FAF1: variants seen among roughly 807,000 people sequenced by gnomAD.
FAF1 encodes FAS-associated factor 1.
In FAF1, 25 loss-of-function variants were observed where a neutral mutation model predicts 92.5. The observed-to-expected ratio is 0.27, with a 90% CI of 0.20 to 0.38. The LOEUF (loss-of-function observed/expected upper bound fraction) is 0.38, where lower values mean the gene tolerates loss of function less well. Among genes scored for constraint, FAF1 ranks in the 10% least tolerant of loss-of-function variants. FAF1 has a pLI of 1.00. For missense variants in FAF1, 636 were observed against 793.3 expected (o/e 0.80, Z 2.38); for synonymous variants, 234 against 273.2 (o/e 0.86, Z 1.42).
At chr1:50,919,257 T>C (rs986444729) in intron 1 of FAF1, among the ~76,000 whole-genome samples, 1 of 152,012 alleles carries the variant, frequency 6.6e-6, no homozygotes, top group African/African-American at 2.4e-5. Context: ...CAGATCTGCA[T>C]ATAAAAAACA....
intron 15 of FAF1, among the ~76,000 whole-genome samples, chr1:50,504,622 C>G (rs569528236): frequency 6.6e-6 from 1 of 152,088 alleles, no homozygotes; most frequent in East Asian, 1.9e-4. Context: ...AGACAAGTAC[C>G]CAACATCAAT....
chr1:50,686,530 G>A (rs929226381), intron 7 of FAF1, among the ~76,000 whole-genome samples: 8 of 137,094 alleles, frequency 5.8e-5, no homozygotes, highest in Admixed American at 4.8e-4. Flanking sequence ...CAACAAGAGC[G>A]AAACTCTATC....
chr1:50,650,917 C>G (rs1654834608), intron 8 of FAF1, among the ~76,000 whole-genome samples: 1 of 152,150 alleles, frequency 6.6e-6, no homozygotes, highest in Non-Finnish European at 1.5e-5. Flanking sequence ...TTTCCCTGAT[C>G]AAAGAGTACA....
chr1:50,601,706 T>TAC (rs56815834), intron 8 of FAF1, among the ~76,000 whole-genome samples: 16 of 146,446 alleles, frequency 1.1e-4, no homozygotes, highest in South Asian at 4.2e-4. Context: ...TATATATATA[T>TAC]ACACACACAC....
intron 7 of FAF1, among the ~76,000 whole-genome samples, chr1:50,669,366 T>A (rs1655768892): frequency 6.6e-6 from 1 of 152,208 alleles, no homozygotes; most frequent in African/African-American, 2.4e-5. Flanking sequence ...AGTTTTTCAC[T>A]GTACATGGTA....
intron 8 of FAF1, among the ~76,000 whole-genome samples, chr1:50,624,819 A>G (rs1446877832): frequency 6.6e-6 from 1 of 152,000 alleles, no homozygotes; most frequent in African/African-American, 2.4e-5. Context: ...CAATAAAAAC[A>G]TGTGATTGTT....
At chr1:50,949,189 G>A (rs955777670) in intron 1 of FAF1, among the ~76,000 whole-genome samples, 2 of 152,206 alleles carry the variant, frequency 1.3e-5, no homozygotes, top group Non-Finnish European at 2.9e-5. Flanking sequence ...ATGCAAATTT[G>A]CAGACCCTAC....
At chr1:50,485,222 AG>A (rs1300696476) in intron 17 of FAF1, among the ~76,000 whole-genome samples, 1 of 151,998 alleles carries the variant, frequency 6.6e-6, no homozygotes, top group Non-Finnish European at 1.5e-5. Flanking sequence ...CGGCCTCCCA[AG>A]TAGCTGGGAT....
rs572447962 is a variant in FAF1, at chr1:50,673,012, C to A, written c.658-17484G>T. On this transcript the variant is annotated intron_variant, in intron 7 of 18. Coordinates refer to ENST00000396153, the MANE Select transcript of FAF1 (RefSeq NM_007051.3). ...GTGGCTTATGCCTATAATCCCAGCACATTGGGAGGCTGAAGCAGGTGGATT... is the reference window on the plus strand; with the variant it reads ...GTGGCTTATGCCTATAATCCCAGCAAATTGGGAGGCTGAAGCAGGTGGATT... Among the ~76,000 whole-genome samples the A allele has an allele frequency of 2.6e-5, 4 of 152,166 alleles. No homozygotes were observed. In the East Asian group the frequency reaches 7.7e-4, roughly 29 times the overall value.
At chr1:50,869,886 G>A (rs1258105899) in intron 1 of FAF1, among the ~76,000 whole-genome samples, 1 of 152,064 alleles carries the variant, frequency 6.6e-6, no homozygotes, top group Non-Finnish European at 1.5e-5. Flanking sequence ...TTAGTTCTAT[G>A]ATTTTGGCAT....
chr1:50,578,255 T>C (rs1418591025), intron 12 of FAF1, among the ~76,000 whole-genome samples: 1 of 152,178 alleles, frequency 6.6e-6, no homozygotes, highest in Non-Finnish European at 1.5e-5. Context: ...GTAAAATTAA[T>C]GTACCTCCCC....
chr1:50,452,232 G>A (rs369788654), intron 18 of FAF1: 114 of 1,126,334 alleles, frequency 1.0e-4, no homozygotes, highest in Non-Finnish European at 1.3e-4. Context: ...AGAAAGTCCC[G>A]CTTTACAGAA....
intron 4 of FAF1, among the ~76,000 whole-genome samples, chr1:50,758,332 G>A (rs997451593): frequency 6.6e-6 from 1 of 152,142 alleles, no homozygotes; most frequent in African/African-American, 2.4e-5. Context: ...GGGATTAAAG[G>A]CATAAGCCAC....
At chr1:50,592,482 T>C (rs1183782253) in intron 9 of FAF1, among the ~76,000 whole-genome samples, 1 of 152,066 alleles carries the variant, frequency 6.6e-6, no homozygotes, top group African/African-American at 2.4e-5. Flanking sequence ...AGAAAAAATA[T>C]TAAATGATCG....
At chr1:50,905,875 T>C (rs887795526) in intron 1 of FAF1, among the ~76,000 whole-genome samples, 2 of 152,178 alleles carry the variant, frequency 1.3e-5, no homozygotes, top group Non-Finnish European at 2.9e-5. Context: ...AGAAGCTCTT[T>C]AGTTTAATTA....
At chr1:50,654,235 A>G (rs1214038341) in intron 8 of FAF1, among the ~76,000 whole-genome samples, 2 of 152,206 alleles carry the variant, frequency 1.3e-5, no homozygotes, top group African/African-American at 4.8e-5. Flanking sequence ...AGATAATTCA[A>G]TTCCTAGGCA....
chr1:50,790,425 C>T (rs1661520749), intron 3 of FAF1, among the ~76,000 whole-genome samples: 1 of 152,172 alleles, frequency 6.6e-6, no homozygotes, highest in South Asian at 2.1e-4. Context: ...CAGGCGTGAG[C>T]CACCGCACCC....
In FAF1 at chr1:50,637,245, AAT is replaced by A. The variant is rs1654060012; in HGVS notation, c.744+18195_744+18196del. 2.0e-5 allele frequency among the ~76,000 whole-genome samples: 3 copies of A among 150,098 alleles called. No homozygotes were observed. The South Asian group carries it at 6.4e-4, about 32-fold the overall frequency. On this transcript the variant is annotated intron_variant, in intron 8 of 18. Coordinates refer to ENST00000396153, the MANE Select transcript of FAF1 (RefSeq NM_007051.3). Reference sequence around the variant, plus strand: ...GAGGTCAGGAGTACGAGACCAGCCCAATAAACATGGTAAAACCCCATTTCTAC... The same window carrying A: ...GAGGTCAGGAGTACGAGACCAGCCCAAAACATGGTAAAACCCCATTTCTAC...
chr1:50,682,972 G>T (rs1222589487), intron 7 of FAF1, among the ~76,000 whole-genome samples: 1 of 151,768 alleles, frequency 6.6e-6, no homozygotes, highest in Non-Finnish European at 1.5e-5. Context: ...GGTGCAGGCT[G>T]CAGTGAGCCG....
Sources: allele counts gnomAD v4.1 joint callset (sites outside exome capture counted in the v4.1 genomes callset), GRCh38; gene constraint gnomAD v4.1.1; transcripts MANE v1.5; gene names NCBI Gene and HGNC (gene_info 2026-07-23, HGNC 2026-07-21).